Variants in ZNF251 observed in about 807,000 individuals in gnomAD.
ZNF251 encodes zinc finger protein 251.
Under a neutral mutation model 13.5 loss-of-function variants are expected in ZNF251, and 14 were observed. That is an observed-to-expected ratio of 1.04 (90% CI 0.69 to 1.63). The LOEUF is 1.63. Ranked by LOEUF, ZNF251 falls within the 40% of genes most tolerant of loss-of-function variation. ZNF251 has a pLI of 0.00. For missense variants in ZNF251, 764 were observed against 834.9 expected (o/e 0.92, Z 1.05); for synonymous variants, 287 against 295.2 (o/e 0.97, Z 0.28).
chr8:144,748,275 T>C (rs568159297), intron 4 of ZNF251, among the ~76,000 whole-genome samples: 1 of 152,138 alleles, frequency 6.6e-6, no homozygotes, highest in African/African-American at 2.4e-5. Context: ...GGTTTCATCA[T>C]GTTGGCCAGG....
At chr8:144,737,321 C>T (rs559407207) in intron 4 of ZNF251, among the ~76,000 whole-genome samples, 6 of 151,906 alleles carry the variant, frequency 3.9e-5, no homozygotes, top group Non-Finnish European at 5.9e-5. Flanking sequence ...TGGTCTTGAA[C>T]TCCTGGTCTC....
chr8:144,747,334 T>A (rs1824475998), intron 4 of ZNF251, among the ~76,000 whole-genome samples: 1 of 152,050 alleles, frequency 6.6e-6, no homozygotes, highest in Non-Finnish European at 1.5e-5. Context: ...CTATGTTTTC[T>A]ATTCTTCAAG....
intron 2 of ZNF251, 158 bp downstream of exon 2, chr8:144,754,538 A>C: frequency 6.9e-7 from 1 of 1,450,410 alleles, no homozygotes; most frequent in African/African-American, 1.4e-5. Context: ...CTCTCCCTGC[A>C]GGAGGGCGAG....
At chr8:144,753,638 G>T in intron 4 of ZNF251, 45 bp downstream of exon 4, 1 of 1,489,580 alleles carries the variant, frequency 6.7e-7, no homozygotes. Flanking sequence ...TCTTAAGGCA[G>T]GATTGGGAGG....
In ZNF251 at chr8:144,722,597, C is replaced by T. The variant is rs774802631; in HGVS notation, c.1063G>A (p.Gly355Arg). The T allele has an allele frequency of 9.9e-6, 16 of 1,614,006 alleles. No individual in the cohort carries two copies. Among genetic ancestry groups the T allele is most frequent in the Non-Finnish European group, 1.2e-5 (14 of 1,180,014 alleles). ...GEKPHECSHC[G>R]KAFSRSSSLI... ...CTGGAGCTTCGACTGAAGGCCTTCC[C>T]ACAGTGACTGCATTCATGCGGCTTC... Residue 355 changes from glycine to arginine, a missense_variant, in exon 5 of 5, where the codon GGG becomes AGG. Physicochemically the swap from Gly to Arg is moderately radical, Grantham distance 125 (BLOSUM62 -2). Transcript: ENST00000292562. This position sits in a 1 kb window ranked among gnomAD's most constrained non-coding sequence, Gnocchi z 4.8.
At chr8:144,739,021 G>A (rs558515928) in intron 4 of ZNF251, among the ~76,000 whole-genome samples, 1 of 152,030 alleles carries the variant, frequency 6.6e-6, no homozygotes, top group East Asian at 1.9e-4. Flanking sequence ...GCCAACTGGG[G>A]ACACACCATT....
In ZNF251 at chr8:144,722,812, T is replaced by C. The variant is rs1199984624; in HGVS notation, c.848A>G (p.His283Arg). ...TTTTTCTCCAGTGTGAATTCTCCGA[T>C]GAAGACGGAGGTGAGAATTGAGTCC... ...TFGLNSHLRLHRRIHTGEKPF... is the reference protein window; with the variant it reads ...TFGLNSHLRLRRRIHTGEKPF... The change falls in exon 5 of 5, where the codon CAT becomes CGT. Residue 283 changes from histidine to arginine, a missense_variant. Coordinates refer to ENST00000292562, the MANE Select transcript of ZNF251 (RefSeq NM_138367.2). The surrounding 1 kb of genome is among the most constrained non-coding windows in gnomAD (Gnocchi z 4.8). The C allele has an allele frequency of 2.5e-6, 4 of 1,614,104 alleles. No homozygotes were observed. Among genetic ancestry groups the C allele is most frequent in the Non-Finnish European group, 3.4e-6 (4 of 1,179,916 alleles).
At position 144,755,488 on chromosome 8, in the gene ZNF251, G is replaced by A. The variant is rs1481527901; in HGVS notation, c.-159C>T. 1 of 1,287,072 alleles carries A rather than the reference G, an allele frequency of 7.8e-7. No homozygotes were observed. The highest frequency in any genetic ancestry group is 1.0e-6 in the Non-Finnish European group (1 of 988,676). The allele number at this position is 1,287,072 out of a possible 1,614,324, so 79.7% of individuals were successfully genotyped here. A position where few individuals can be genotyped will look rare whatever the true frequency, so the allele number is the denominator to read the frequency against. On this transcript the variant is annotated 5_prime_UTR_variant, in exon 1 of 5. Coordinates refer to ENST00000292562, the MANE Select transcript of ZNF251 (RefSeq NM_138367.2). ...CGAGCCCGGAACGGACCCTCCCACA[G>A]AACCGGGTCCAGAGCCGGGGAGGGG...
intron 4 of ZNF251, among the ~76,000 whole-genome samples, chr8:144,732,479 T>TTTACCA (rs1470541001): frequency 6.6e-6 from 1 of 152,190 alleles, no homozygotes; most frequent in Non-Finnish European, 1.5e-5. Flanking sequence ...CTATGCACGA[T>TTTACCA]TGACAGGTCA....
chr8:144,726,080 C>T (rs1823507976), intron 4 of ZNF251, among the ~76,000 whole-genome samples: 1 of 151,198 alleles, frequency 6.6e-6, no homozygotes, highest in Admixed American at 6.6e-5. Context: ...ACCTGTAGTC[C>T]TAGCTACTCG....
intron 4 of ZNF251, chr8:144,730,209 G>A (rs1292541977): frequency 1.4e-6 from 1 of 732,134 alleles, no homozygotes; most frequent in East Asian, 1.3e-4. Flanking sequence ...GGGGCCCAGA[G>A]CGCCAATCCC....
At chr8:144,748,279 G>C (rs1419296292) in intron 4 of ZNF251, among the ~76,000 whole-genome samples, 1 of 151,730 alleles carries the variant, frequency 6.6e-6, no homozygotes, top group Non-Finnish European at 1.5e-5. Flanking sequence ...TCATCATGTT[G>C]GCCAGGCTAG....
intron 4 of ZNF251, among the ~76,000 whole-genome samples, chr8:144,739,677 T>C (rs1361186612): frequency 1.3e-4 from 20 of 151,906 alleles, no homozygotes; most frequent in Admixed American, 1.2e-3. Flanking sequence ...GGCAGGTAAA[T>C]TGCTTGAGCC....
rs1385298748 is a variant in ZNF251, at chr8:144,754,738, A to C, written c.-10T>G. 2 of 1,612,136 alleles carry C rather than the reference A, an allele frequency of 1.2e-6. No homozygotes were observed. The highest frequency in any genetic ancestry group is 1.7e-6 in the Non-Finnish European group (2 of 1,179,178). ...GGAATGTGGCTGCCATTCTGTGTGC[A>C]TGGGCTGCTGTGGTTTCCAAGAGAA... On this transcript the variant is annotated 5_prime_UTR_variant, in exon 2 of 5. An upstream start codon of the reference 5' UTR is lost. Transcript: ENST00000292562.
At chr8:144,753,201 G>A (rs1824777109) in intron 4 of ZNF251, among the ~76,000 whole-genome samples, 2 of 145,598 alleles carry the variant, frequency 1.4e-5, no homozygotes, top group Non-Finnish European at 3.0e-5. Context: ...CCTGAGCCTG[G>A]TACGTGGAGG....
chr8:144,734,396 G>C lies in ZNF251; in HGVS notation c.278-11014C>G, dbSNP rs969973166. Among the ~76,000 whole-genome samples the C allele has an allele frequency of 1.3e-5, 2 of 152,226 alleles. No individual in the cohort carries two copies. Among genetic ancestry groups the C allele is most frequent in the African/African-American group, 2.4e-5 (1 of 41,466 alleles). On this transcript the variant is annotated intron_variant, in intron 4 of 4. Coordinates refer to ENST00000292562, the MANE Select transcript of ZNF251 (RefSeq NM_138367.2). The surrounding 1 kb of genome is among the most constrained non-coding windows in gnomAD (Gnocchi z 4.4). ...CCCTGGCACAAACCGGCTACGATTGGTGGGCAAAAGCAAATGCCCTGAGCA... is the reference window on the plus strand; with the variant it reads ...CCCTGGCACAAACCGGCTACGATTGCTGGGCAAAAGCAAATGCCCTGAGCA...
At chr8:144,744,154 C>T (rs1824304049) in intron 4 of ZNF251, among the ~76,000 whole-genome samples, 2 of 151,694 alleles carry the variant, frequency 1.3e-5, no homozygotes, top group African/African-American at 4.8e-5. Context: ...GCTGGAATTA[C>T]AGGTGCCACC....
intron 4 of ZNF251, among the ~76,000 whole-genome samples, chr8:144,750,846 GT>G (rs58473905): frequency 1.3e-4 from 19 of 141,306 alleles, no homozygotes; most frequent in Middle Eastern, 3.6e-3. Context: ...TCTCTCCAGA[GT>G]TTTTTTTTTT....
intron 4 of ZNF251, among the ~76,000 whole-genome samples, chr8:144,750,270 T>C (rs1824631797): frequency 6.6e-6 from 1 of 152,228 alleles, no homozygotes; most frequent in Non-Finnish European, 1.5e-5. Flanking sequence ...GGAATTGCAG[T>C]AAACAGGGCT....
Sources: allele counts gnomAD v4.1 joint callset (sites outside exome capture counted in the v4.1 genomes callset), GRCh38; gene constraint gnomAD v4.1.1; non-coding constraint Gnocchi (gnomAD v3.1); transcripts MANE v1.5; gene names NCBI Gene and HGNC (gene_info 2026-07-23, HGNC 2026-07-21).